FAM114A1: variants seen among roughly 807,000 people sequenced by gnomAD.
FAM114A1 encodes protein NOXP20.
Under a neutral mutation model 64.3 loss-of-function variants are expected in FAM114A1, and 62 were observed. That is an observed-to-expected ratio of 0.96 (90% confidence interval 0.79 to 1.19). The LOEUF (loss-of-function observed/expected upper bound fraction) is 1.19, where lower values mean the gene tolerates loss of function less well. FAM114A1 is among the 50% of genes most tolerant of loss of function. The pLI is 0.00. For missense variants in FAM114A1, 645 were observed against 676.3 expected, an observed-to-expected ratio of 0.95 and a Z score of 0.51; for synonymous variants, 254 against 251.1, an observed-to-expected ratio of 1.01 and a Z score of -0.11.
At chr4:38,877,665 TA>T (rs113044414) in intron 2 of FAM114A1, among the ~76,000 whole-genome samples, 36,828 of 151,870 alleles carry the variant, frequency 0.24, 5,003 homozygotes, top group Non-Finnish European at 0.28. Context: ...GAGTATTGGT[TA>T]AAAAAAAGTT....
chr4:38,898,827 AC>A (rs1270076120), intron 4 of FAM114A1, among the ~76,000 whole-genome samples: 1 of 151,810 alleles, frequency 6.6e-6, no homozygotes, highest in Non-Finnish European at 1.5e-5. Flanking sequence ...GCTTTTCTGA[AC>A]AATTGCTCTT....
intron 8 of FAM114A1, among the ~76,000 whole-genome samples, chr4:38,916,927 T>C (rs1381590059): frequency 1.3e-5 from 2 of 152,146 alleles, no homozygotes; most frequent in Non-Finnish European, 2.9e-5. Context: ...CTTTGCATTG[T>C]TGTCAGCCCT....
rs777560284 is a variant in FAM114A1 at position 38,935,694 on chromosome 4, GC to G, written c.1464-23del. The stretch of plus-strand genomic sequence containing the variant: ...ATTTTACCTTATTGAAAACATCCAA[GC>G]TTTTTTTTTTTTCTTCTTTCAGATT... On this transcript the variant is annotated intron_variant, in intron 12 of 14. Transcript: ENST00000358869. The G allele has an allele frequency of 6.2e-6, 9 of 1,444,168 alleles. No homozygotes were observed. The African/African-American group carries it at 1.3e-4, about 21-fold the overall frequency. The allele number at this position is 1,444,168 out of a possible 1,614,324, so 89.5% of individuals were successfully genotyped here.
chr4:38,943,601 T>A lies in FAM114A1; in HGVS notation c.*44T>A, dbSNP rs1332003377. 6.5e-7 allele frequency: 1 copy of A among 1,535,444 alleles called. No individual in the cohort carries two copies. Among genetic ancestry groups the A allele is most frequent in the Non-Finnish European group, 9.0e-7 (1 of 1,109,852 alleles). On this transcript the variant is annotated 3_prime_UTR_variant, in exon 15 of 15. Coordinates refer to ENST00000358869, the MANE Select transcript of FAM114A1 (RefSeq NM_138389.4). ...AGTTAAAGGAGACAGCTGGCCGCCT[T>A]GCCTCAATATGTACCATTTAAGGGG...
chr4:38,938,453 T>C (rs1721292224), intron 13 of FAM114A1: 1 of 152,230 alleles, frequency 6.6e-6, no homozygotes, highest in Non-Finnish European at 1.5e-5. Context: ...ACCTTTTATG[T>C]TTGTCTAATT....
chr4:38,874,870 A>G (rs2109528956), intron 2 of FAM114A1, among the ~76,000 whole-genome samples: 1 of 152,274 alleles, frequency 6.6e-6, no homozygotes, highest in South Asian at 2.1e-4. Flanking sequence ...AGGAAGGGGA[A>G]CAGTTTCAAT....
chr4:38,931,274 A>G (rs1022928254), intron 10 of FAM114A1, among the ~76,000 whole-genome samples, 177 bp from the exon 11 acceptor site: 24 of 152,246 alleles, frequency 1.6e-4, no homozygotes, highest in African/African-American at 5.8e-4. Flanking sequence ...TATATTTACC[A>G]GAAAGCAACA....
intron 4 of FAM114A1, among the ~76,000 whole-genome samples, chr4:38,899,793 G>A (rs1401295711): frequency 3.9e-5 from 6 of 152,230 alleles, no homozygotes; most frequent in African/African-American, 1.4e-4. Flanking sequence ...TAACTATGTA[G>A]GAGTTGAATT....
chr4:38,925,849 CA>C (rs1290273800), intron 9 of FAM114A1, among the ~76,000 whole-genome samples: 3 of 150,184 alleles, frequency 2.0e-5, no homozygotes, highest in Non-Finnish European at 4.4e-5. Flanking sequence ...CTGTTTTTAT[CA>C]ACCTCCATTT....
chr4:38,903,841 C>T (rs1239945970), intron 4 of FAM114A1, among the ~76,000 whole-genome samples: 1 of 152,116 alleles, frequency 6.6e-6, no homozygotes, highest in Non-Finnish European at 1.5e-5. Flanking sequence ...ATAATGTTTA[C>T]ATTTCAGGGT....
At chr4:38,923,407 G>C (rs957887388) in intron 9 of FAM114A1, among the ~76,000 whole-genome samples, 2 of 151,980 alleles carry the variant, frequency 1.3e-5, no homozygotes, top group Admixed American at 6.6e-5. Context: ...ATTTTTAGTA[G>C]AGACGGGGTT....
At chr4:38,935,019 A>G (rs936728326) in intron 12 of FAM114A1, among the ~76,000 whole-genome samples, 1 of 151,692 alleles carries the variant, frequency 6.6e-6, no homozygotes, top group African/African-American at 2.4e-5. Context: ...GCTTCAAGTG[A>G]TTCTCCTGCC....
intron 7 of FAM114A1, among the ~76,000 whole-genome samples, chr4:38,912,694 T>C (rs1718673450): frequency 6.6e-6 from 1 of 152,210 alleles, no homozygotes; most frequent in Admixed American, 6.5e-5. Context: ...CTCCCCAGTT[T>C]TGAGTGAGTC....
In FAM114A1 at chr4:38,930,978, G is replaced by A. The variant is rs16994941; in HGVS notation, c.1162-473G>A. Among the ~76,000 whole-genome samples, 592 of 152,256 alleles carry A rather than the reference G, an allele frequency of 3.9e-3. 6 individuals are homozygous for A. Among genetic ancestry groups the A allele is most frequent in the African/African-American group, 0.014 (570 of 41,536 alleles). On this transcript the variant is annotated intron_variant, in intron 10 of 14. Coordinates refer to ENST00000358869, the MANE Select transcript of FAM114A1 (RefSeq NM_138389.4). ...CGCAGAGCCCTTCTTCACCTTCCCAGCATGATACATTGTTAGGTTCATGAA... is the reference window on the plus strand; with the variant it reads ...CGCAGAGCCCTTCTTCACCTTCCCAACATGATACATTGTTAGGTTCATGAA...
chr4:38,930,842 C>T (rs752428926), intron 10 of FAM114A1, among the ~76,000 whole-genome samples: 3 of 152,132 alleles, frequency 2.0e-5, no homozygotes, highest in South Asian at 2.1e-4. Flanking sequence ...GCACAGAGTG[C>T]GTAAACTGCA....
chr4:38,880,824 T>C lies in FAM114A1; in HGVS notation c.348+2398T>C, dbSNP rs1034870379. Among the ~76,000 whole-genome samples the C allele has an allele frequency of 5.3e-5, 8 of 152,340 alleles. No homozygotes were observed. The East Asian group carries it at 1.3e-3, about 26-fold the overall frequency. On this transcript the variant is annotated intron_variant, in intron 3 of 14. Coordinates refer to ENST00000358869, the MANE Select transcript of FAM114A1 (RefSeq NM_138389.4). ...ACAAGCTCTACTAATTCAAAATCCA[T>C]ACTAATTCAAAATCCATATACATTC...
intron 12 of FAM114A1, among the ~76,000 whole-genome samples, chr4:38,933,322 G>C (rs1162825950): frequency 6.6e-6 from 1 of 152,042 alleles, no homozygotes; most frequent in Admixed American, 6.6e-5. Flanking sequence ...ACCTTTTGAG[G>C]GTAATTACAT....
intron 13 of FAM114A1, among the ~76,000 whole-genome samples, chr4:38,936,621 C>T (rs930460500): frequency 3.5e-5 from 5 of 141,200 alleles, no homozygotes; most frequent in Admixed American, 7.6e-5. Flanking sequence ...GGCACAATAT[C>T]GGCTCACCGC....
intron 14 of FAM114A1, among the ~76,000 whole-genome samples, chr4:38,942,589 C>T (rs556694696): frequency 6.6e-6 from 1 of 152,158 alleles, no homozygotes; most frequent in African/African-American, 2.4e-5. Flanking sequence ...GTTACCCTAA[C>T]CTTTAAATGG....
Sources: gnomAD v4.1 joint callset for allele counts (sites outside exome capture counted in the v4.1 genomes callset) on GRCh38, gnomAD v4.1.1 for gene constraint, MANE v1.5 for transcripts, NCBI Gene and HGNC (gene_info 2026-07-23, HGNC 2026-07-21) for gene names.